The following FAM200B variants were observed in gnomAD, a reference collection of about 807,000 sequenced individuals.
The protein encoded by FAM200B is protein FAM200B.
FAM200B carries 32 observed loss-of-function variants against 33.1 expected under a neutral mutation model. That is an observed-to-expected ratio of 0.97 (90% CI 0.73 to 1.30). FAM200B has a LOEUF of 1.30. Among genes scored for constraint, FAM200B ranks in the 50% most tolerant of loss-of-function variants. The probability of loss-of-function intolerance (pLI) is 0.00; values close to 1 mark genes in which losing one functional copy is unlikely to be tolerated. For missense variants in FAM200B, 741 were observed against 754.0 expected (o/e 0.98, Z 0.20); for synonymous variants, 240 against 264.8 (o/e 0.91, Z 0.91).
At chr4:15,652,790 A>G in the FAM200B span, among the ~76,000 whole-genome samples, 1 of 152,208 alleles carries the variant, frequency 6.6e-6, no homozygotes, top group Non-Finnish European at 1.5e-5. Flanking sequence ...ATAACTGGGC[A>G]TTCAGAGCCC....
chr4:15,641,643 T>G, the FAM200B span: 1 of 455,390 alleles, frequency 2.2e-6, no homozygotes, highest in Non-Finnish European at 4.4e-6. Context: ...AGTAAAGTTT[T>G]GAGAGATTCA....
At chr4:15,654,923 G>A in the FAM200B span, among the ~76,000 whole-genome samples, 2 of 152,046 alleles carry the variant, frequency 1.3e-5, no homozygotes, top group Non-Finnish European at 2.9e-5. Flanking sequence ...AGGGCGGCCA[G>A]TGACGCCGGT....
intron 1 of FAM200B, chr4:15,684,592 G>A (rs1718654080): frequency 6.6e-6 from 1 of 152,204 alleles, no homozygotes; most frequent in Admixed American, 6.5e-5. Flanking sequence ...AACTATGGAA[G>A]GAAGAGTCAG....
the FAM200B span, chr4:15,655,282 C>T: frequency 1.4e-6 from 2 of 1,426,460 alleles, no homozygotes; most frequent in East Asian, 3.1e-5. Flanking sequence ...CAGGAAAGGG[C>T]GCCATCGCCA....
the FAM200B span, chr4:15,640,815 A>G: frequency 6.4e-7 from 1 of 1,570,652 alleles, no homozygotes; most frequent in Middle Eastern, 1.8e-4. Flanking sequence ...TGTGAGGAAG[A>G]AAATCTCTTG....
Position 15,687,828 on chromosome 4 carries a change from A to G in FAM200B, c.851A>G (p.Tyr284Cys), listed in dbSNP as rs1719027702. ...TELERRIVGQYKLNWKNCKGI... is the reference protein window; with the variant it reads ...TELERRIVGQCKLNWKNCKGI... Reference sequence around the variant, plus strand: ...TTAGAAAGGCGCATAGTTGGCCAATATAAATTAAACTGGAAAAACTGTAAA... The same window carrying G: ...TTAGAAAGGCGCATAGTTGGCCAATGTAAATTAAACTGGAAAAACTGTAAA... Residue 284 changes from tyrosine (Y) to cysteine (C), a missense_variant, in exon 2 of 2, where the codon TAT (tyrosine) becomes TGT (cysteine). Tyr to Cys is a radical substitution (Grantham distance 194). Transcript: ENST00000422728. 6.4e-7 allele frequency: 1 copy of G among 1,551,336 alleles called. No individual in the cohort carries two copies. Among genetic ancestry groups the G allele is most frequent in the Non-Finnish European group, 8.7e-7 (1 of 1,146,752 alleles).
the FAM200B span, among the ~76,000 whole-genome samples, chr4:15,660,562 C>T: frequency 6.6e-6 from 1 of 152,140 alleles, no homozygotes; most frequent in South Asian, 2.1e-4. Context: ...AATTCTAATC[C>T]CACTTCTCAC....
the FAM200B span, among the ~76,000 whole-genome samples, chr4:15,645,037 C>G: frequency 6.6e-6 from 1 of 152,042 alleles, no homozygotes; most frequent in Admixed American, 6.6e-5. Flanking sequence ...ATGCTAAATA[C>G]AGGCAGGCAG....
At chr4:15,682,048 A>C (rs1485345269) in intron 1 of FAM200B, 147 bp downstream of exon 1, 1 of 152,312 alleles carries the variant, frequency 6.6e-6, no homozygotes, top group Non-Finnish European at 1.5e-5. Context: ...TCCGGGCCTG[A>C]AGGGCGATTA....
chr4:15,686,576 T>TA lies in FAM200B; in HGVS notation c.-396dup, dbSNP rs1384158549. ...CTGTGAGTCACAATGAACATTTGTCTAAAAAACAAAATAAAATGTAAAATA... is the reference window on the plus strand; with the variant it reads ...CTGTGAGTCACAATGAACATTTGTCTAAAAAAACAAAATAAAATGTAAAATA... On this transcript the variant is annotated 5_prime_UTR_variant, in exon 2 of 2. An upstream open reading frame in the 5' UTR gains an earlier in-frame stop. Transcript: ENST00000422728. 6.5e-6 allele frequency: 1 copy of TA among 153,956 alleles called. No individual in the cohort carries two copies. The highest frequency in any genetic ancestry group is 2.4e-5 in the African/African-American group (1 of 41,468). The allele number at this position is 153,956 out of a possible 1,614,324, so 9.5% of individuals were successfully genotyped here.
intron 1 of FAM200B, among the ~76,000 whole-genome samples, chr4:15,684,253 C>G (rs1311872996): frequency 6.6e-6 from 1 of 152,164 alleles, no homozygotes; most frequent in Non-Finnish European, 1.5e-5. Flanking sequence ...TGAACATGCT[C>G]TGATTTACAT....
chr4:15,643,386 A>C, the FAM200B span, among the ~76,000 whole-genome samples: 1 of 152,246 alleles, frequency 6.6e-6, no homozygotes, highest in South Asian at 2.1e-4. Context: ...CCAGAAGGGA[A>C]ATAAACTAAG....
chr4:15,684,101 T>G (rs797002443), intron 1 of FAM200B, among the ~76,000 whole-genome samples: 17 of 152,366 alleles, frequency 1.1e-4, no homozygotes, highest in African/African-American at 4.1e-4. Context: ...TACTTGGAAA[T>G]GTTGCCATGT....
the FAM200B span, among the ~76,000 whole-genome samples, chr4:15,662,294 G>A: frequency 6.6e-6 from 1 of 152,130 alleles, no homozygotes; most frequent in East Asian, 1.9e-4. Flanking sequence ...AACTCTAGAG[G>A]GTAGTCTTCA....
chr4:15,654,540 G>GT, the FAM200B span, among the ~76,000 whole-genome samples: 1 of 152,172 alleles, frequency 6.6e-6, no homozygotes, highest in Non-Finnish European at 1.5e-5. Flanking sequence ...TCTACATCCA[G>GT]TAAGTGTTCA....
chr4:15,639,024 C>T, the FAM200B span, among the ~76,000 whole-genome samples: 3 of 152,050 alleles, frequency 2.0e-5, no homozygotes, highest in African/African-American at 7.2e-5. Flanking sequence ...AGTAGCCGGG[C>T]GTGGTGGCGC....
chr4:15,654,172 T>C, the FAM200B span, among the ~76,000 whole-genome samples: 13,537 of 152,252 alleles, frequency 0.089, 758 homozygotes, highest in Non-Finnish European at 0.12. Flanking sequence ...AGACAATGGT[T>C]CTGCATAATG....
At chr4:15,666,222 G>C in the FAM200B span, among the ~76,000 whole-genome samples, 3 of 152,004 alleles carry the variant, frequency 2.0e-5, no homozygotes, top group African/African-American at 7.2e-5. Flanking sequence ...AACATAAGTA[G>C]ACTCCACCAC....
At chr4:15,668,424 A>C in the FAM200B span, among the ~76,000 whole-genome samples, 3 of 152,094 alleles carry the variant, frequency 2.0e-5, no homozygotes, top group African/African-American at 2.4e-5. Flanking sequence ...GAGTTTTTAA[A>C]CAGCAGATTT....
Sources: allele counts gnomAD v4.1 joint callset (sites outside exome capture counted in the v4.1 genomes callset), GRCh38; gene constraint gnomAD v4.1.1; transcripts MANE v1.5; gene names NCBI Gene and HGNC (gene_info 2026-07-23, HGNC 2026-07-21).